Variants in SCAF11 observed in about 807,000 individuals in gnomAD.
SCAF11 encodes SR-related CTD associated factor 11.
SCAF11 carries 47 observed loss-of-function variants against 140.5 expected under a neutral mutation model. The ratio of observed to expected loss-of-function variants is 0.33; its 90% CI spans 0.26 to 0.43. SCAF11 has a LOEUF of 0.43. Among genes scored for constraint, SCAF11 ranks in the 20% least tolerant of loss-of-function variants. The pLI is 1.00. For synonymous variants in SCAF11, 557 were observed against 579.4 expected, an observed-to-expected ratio of 0.96 and a Z score of 0.55; for missense variants, 1,645 against 1,705.1, an observed-to-expected ratio of 0.96 and a Z score of 0.62.
intron 1 of SCAF11, among the ~76,000 whole-genome samples, chr12:45,984,383 T>C (rs1946416084): frequency 6.6e-6 from 1 of 152,226 alleles, no homozygotes; most frequent in Non-Finnish European, 1.5e-5. Flanking sequence ...TGTACACTAT[T>C]TGACAGTAAT....
rs539795330 is a variant in SCAF11, at chr12:45,984,695, CT to C, written c.-22+5657del. 3.4e-3 allele frequency among the ~76,000 whole-genome samples: 463 copies of C among 136,586 alleles called. 6 individuals carry two copies. The South Asian group carries it at 0.064, about 19-fold the overall frequency. The allele number at this position is 136,586 out of a possible 152,430, so 89.6% of individuals were successfully genotyped here. A position where few individuals can be genotyped will look rare whatever the true frequency, so the allele number is the denominator to read the frequency against. ...TCTTTTGACTTGCTCTTCGCACTTC[CT>C]TTTTTTTTTTTTTTTTGAGGTGGAG... On this transcript the variant is annotated intron_variant, in intron 1 of 14. Coordinates refer to ENST00000369367, the MANE Select transcript of SCAF11 (RefSeq NM_004719.3).
chr12:45,948,101 T>G (rs1056260819), intron 5 of SCAF11, among the ~76,000 whole-genome samples: 3 of 152,192 alleles, frequency 2.0e-5, no homozygotes, highest in African/African-American at 4.8e-5. Flanking sequence ...TATTTTTTAG[T>G]AGAGACAGAG....
At chr12:45,957,918 G>A (rs981539771) in intron 3 of SCAF11, among the ~76,000 whole-genome samples, 2 of 151,666 alleles carry the variant, frequency 1.3e-5, no homozygotes, top group African/African-American at 2.4e-5. Flanking sequence ...TTTGAGATAG[G>A]GTCTTATTTT....
At chr12:45,930,774 T>C (rs1261311190) in intron 10 of SCAF11, among the ~76,000 whole-genome samples, 1 of 152,220 alleles carries the variant, frequency 6.6e-6, no homozygotes, top group Admixed American at 6.5e-5. Context: ...ATATATTTTA[T>C]GGTAGTAAAT....
chr12:45,964,998 G>T (rs1945911445), intron 1 of SCAF11, among the ~76,000 whole-genome samples: 1 of 152,052 alleles, frequency 6.6e-6, no homozygotes, highest in South Asian at 2.1e-4. Flanking sequence ...ACTGAGGAGG[G>T]GGTTGGCATG....
rs567741240 is a variant in SCAF11 at position 45,973,271 on chromosome 12, A to G, written c.-21-9083T>C. Among the ~76,000 whole-genome samples, 9 of 151,694 alleles carry G rather than the reference A, an allele frequency of 5.9e-5. No individual in the cohort carries two copies. In the South Asian group the frequency reaches 1.7e-3, roughly 28 times the overall value. ...AAATTACCCAACCTAAAAAACAAAG[A>G]GAAAAACATTGAAAAAAAAATATTA... On this transcript the variant is annotated intron_variant, in intron 1 of 14. Transcript: ENST00000369367.
chr12:45,946,223 T>C (rs1373982167), intron 5 of SCAF11, among the ~76,000 whole-genome samples: 1 of 152,206 alleles, frequency 6.6e-6, no homozygotes, highest in Admixed American at 6.5e-5. Context: ...TCTTTGGAAC[T>C]GGTAAAAAGT....
intron 9 of SCAF11, 100 bp from the exon 10 acceptor site, chr12:45,931,712 T>TA (rs1326345860): frequency 4.1e-5 from 23 of 560,000 alleles, no homozygotes; most frequent in South Asian, 1.1e-4. Context: ...AATATTAAAA[T>TA]ACAGTGCTTA....
intron 6 of SCAF11, among the ~76,000 whole-genome samples, chr12:45,938,268 T>C (rs1026580956): frequency 6.6e-5 from 10 of 152,158 alleles, no homozygotes; most frequent in Non-Finnish European, 2.9e-5. Context: ...GGTTGGCGGA[T>C]CACCTGAGGT....
At chr12:45,961,436 GAA>G in intron 3 of SCAF11, 2 of 625,666 alleles carry the variant, frequency 3.2e-6, no homozygotes, top group South Asian at 2.0e-5. Context: ...ATTTCTACCA[GAA>G]AAAAAGTTTG....
Position 45,945,255 on chromosome 12 carries a change from T to A in SCAF11, c.457A>T (p.Ile153Leu). 1.3e-6 allele frequency: 2 copies of A among 1,565,442 alleles called. No homozygotes were observed. The highest frequency in any genetic ancestry group is 1.7e-6 in the Non-Finnish European group (2 of 1,151,052). Residue 153 changes from isoleucine to leucine, a missense_variant, in exon 6 of 15, where the codon ATA becomes TTA. This residue lies in a region of SCAF11 where 1,582 missense variants were observed against 1,609.2 expected (regional missense o/e 0.98). Transcript: ENST00000369367. ...LSAKVCDLKWIHRNSLYSETG... is the reference protein window; with the variant it reads ...LSAKVCDLKWLHRNSLYSETG... ...CAAGCAAAAAGTAACTTACTATGTATCCACTTCAAGTCACAAACTTTTGCA... is the reference window on the plus strand; with the variant it reads ...CAAGCAAAAAGTAACTTACTATGTAACCACTTCAAGTCACAAACTTTTGCA...
At chr12:45,980,585 T>TG (rs1320091095) in intron 1 of SCAF11, among the ~76,000 whole-genome samples, 2 of 152,166 alleles carry the variant, frequency 1.3e-5, no homozygotes, top group Non-Finnish European at 2.9e-5. Context: ...TCTTAACCAT[T>TG]GACACTAAAC....
chr12:45,972,138 C>T (rs1052099530), intron 1 of SCAF11, among the ~76,000 whole-genome samples: 7 of 152,190 alleles, frequency 4.6e-5, no homozygotes, highest in Admixed American at 4.6e-4. Flanking sequence ...ACACATGTCA[C>T]AGACTGGCTA....
intron 1 of SCAF11, 48 bp from the exon 2 acceptor site, chr12:45,964,236 T>C: frequency 1.2e-6 from 1 of 839,624 alleles, no homozygotes; most frequent in Admixed American, 2.7e-5. Context: ...CTTCTCCCAA[T>C]AATATCAATT....
At chr12:45,958,164 C>G (rs1945743411) in intron 3 of SCAF11, among the ~76,000 whole-genome samples, 1 of 152,046 alleles carries the variant, frequency 6.6e-6, no homozygotes, top group African/African-American at 2.4e-5. Context: ...CTTGGCCTCC[C>G]AAAGTGCTGG....
chr12:45,979,678 T>G (rs1445345227), intron 1 of SCAF11, among the ~76,000 whole-genome samples: 1 of 152,180 alleles, frequency 6.6e-6, no homozygotes, highest in African/African-American at 2.4e-5. Flanking sequence ...TCTCTAGCTA[T>G]GCCTATTATC....
chr12:45,920,922 C>T lies in SCAF11; in HGVS notation c.*1126G>A, dbSNP rs1015949954. The T allele has an allele frequency of 1.3e-5, 2 of 151,862 alleles. No homozygotes were observed. The highest frequency in any genetic ancestry group is 2.4e-5 in the African/African-American group (1 of 41,168). 9.4% of individuals were successfully genotyped at this position (151,862 alleles called of 1,614,324 possible). ...TCTCGAATTGGCACAAATAATTTATCGTCTGCAACGGGTAGAAGAAGATAC... is the reference window on the plus strand; with the variant it reads ...TCTCGAATTGGCACAAATAATTTATTGTCTGCAACGGGTAGAAGAAGATAC... On this transcript the variant is annotated 3_prime_UTR_variant, in exon 15 of 15. Transcript: ENST00000369367.
chr12:45,964,016 C>T lies in SCAF11; in HGVS notation c.61+91G>A, dbSNP rs1945882333. 7 of 670,398 alleles carry T rather than the reference C, an allele frequency of 1.0e-5. No individual in the cohort carries two copies. In the East Asian group the frequency reaches 2.1e-4, roughly 20 times the overall value. 41.5% of individuals were successfully genotyped at this position (670,398 alleles called of 1,614,324 possible). On this transcript the variant is annotated intron_variant, in intron 2 of 14. Coordinates refer to ENST00000369367, the MANE Select transcript of SCAF11 (RefSeq NM_004719.3). Reference sequence around the variant, plus strand: ...ATTTAAGAACAACAATAACAAAAAACTCCTGTGTATTCTGAAATGTATACA... The same window carrying T: ...ATTTAAGAACAACAATAACAAAAAATTCCTGTGTATTCTGAAATGTATACA...
At chr12:45,938,565 G>C (rs993700260) in intron 6 of SCAF11, among the ~76,000 whole-genome samples, 5 of 151,850 alleles carry the variant, frequency 3.3e-5, no homozygotes, top group Non-Finnish European at 2.9e-5. Context: ...TAGAGATTTG[G>C]GATGAGAGGG....
Sources: gnomAD v4.1 joint callset for allele counts (sites outside exome capture counted in the v4.1 genomes callset) on GRCh38, gnomAD v4.1.1 for gene constraint, gnomAD v4.1.1 regional missense constraint, MANE v1.5 for transcripts, NCBI Gene and HGNC (gene_info 2026-07-23, HGNC 2026-07-21) for gene names.